Variants in ADGRL3 observed in about 807,000 individuals in gnomAD.
ADGRL3 encodes the protein calcium-independent alpha-latrotoxin receptor 3.
In ADGRL3, 62 loss-of-function variants were observed where a neutral mutation model predicts 153.5. The observed-to-expected ratio is 0.40, with a 90% CI of 0.33 to 0.50. The LOEUF is 0.50. Among genes scored for constraint, ADGRL3 ranks in the 20% least tolerant of loss-of-function variants. The pLI is 0.47. For missense variants in ADGRL3, 1,641 were observed against 1,859.4 expected, an observed-to-expected ratio of 0.88 and a Z score of 2.16; for synonymous variants, 710 against 672.5, an observed-to-expected ratio of 1.06 and a Z score of -0.86.
chr4:62,038,032 A>G (rs1726055975), intron 24 of ADGRL3, among the ~76,000 whole-genome samples, 176 bp downstream of exon 24: 1 of 152,160 alleles, frequency 6.6e-6, no homozygotes, highest in African/African-American at 2.4e-5. Context: ...CTGTAATAAT[A>G]TGATGAAATT....
At chr4:61,772,150 C>T (rs915627714) in intron 8 of ADGRL3, among the ~76,000 whole-genome samples, 3 of 152,292 alleles carry the variant, frequency 2.0e-5, no homozygotes, top group African/African-American at 7.2e-5. Flanking sequence ...TACTTAGAAC[C>T]AAATTTGTGA....
At chr4:61,528,060 C>T (rs925823188) in intron 4 of ADGRL3, among the ~76,000 whole-genome samples, 4 of 152,048 alleles carry the variant, frequency 2.6e-5, no homozygotes, top group Admixed American at 6.6e-5. Flanking sequence ...AAGATAGATG[C>T]TTGGTCCACA....
intron 1 of ADGRL3, among the ~76,000 whole-genome samples, chr4:61,279,459 G>T (rs537560943): frequency 4.6e-5 from 7 of 152,112 alleles, no homozygotes; most frequent in Non-Finnish European, 7.4e-5. Context: ...ATTGTAACGA[G>T]AGATTTCCTT....
At chr4:61,400,334 C>T (rs908209558) in intron 2 of ADGRL3, among the ~76,000 whole-genome samples, 2 of 151,684 alleles carry the variant, frequency 1.3e-5, no homozygotes, top group Non-Finnish European at 3.0e-5. Flanking sequence ...AAAAGTTTTG[C>T]TCCAGTTGAA....
chr4:61,887,279 T>C (rs2098544854), intron 9 of ADGRL3, among the ~76,000 whole-genome samples: 1 of 152,136 alleles, frequency 6.6e-6, no homozygotes, highest in African/African-American at 2.4e-5. Context: ...TTTACTAGAT[T>C]CTTTTTATTT....
At chr4:61,251,056 A>G (rs1259307854) in intron 1 of ADGRL3, among the ~76,000 whole-genome samples, 2 of 152,152 alleles carry the variant, frequency 1.3e-5, no homozygotes, top group African/African-American at 4.8e-5. Flanking sequence ...AACTTCCCAA[A>G]TCTAATGGCA....
chr4:61,433,464 T>C (rs1374304441), intron 2 of ADGRL3, among the ~76,000 whole-genome samples: 2 of 152,154 alleles, frequency 1.3e-5, no homozygotes, highest in Admixed American at 6.6e-5. Flanking sequence ...TAAATATCAA[T>C]AGTATTTTAA....
intron 2 of ADGRL3, among the ~76,000 whole-genome samples, chr4:61,398,516 T>G (rs1027495099): frequency 1.6e-4 from 24 of 151,902 alleles, no homozygotes; most frequent in African/African-American, 5.5e-4. Flanking sequence ...ATTAGCAAGT[T>G]TAATTCATGT....
At position 61,282,913 on chromosome 4, in the gene ADGRL3, T is replaced by C. The variant is rs186718735; in HGVS notation, c.-240+81148T>C. On this transcript the variant is annotated intron_variant, in intron 1 of 26. Transcript: ENST00000683033. ...CTAGTAGTTATTAATATTTTGTTCA[T>C]TGTTACCTGACAGACCCAGAGTTTT... 3.9e-5 allele frequency among the ~76,000 whole-genome samples: 6 copies of C among 152,220 alleles called. No individual in the cohort carries two copies. The East Asian group carries it at 1.2e-3, about 29-fold the overall frequency.
chr4:61,442,654 C>T (rs929959717), intron 2 of ADGRL3, among the ~76,000 whole-genome samples: 1 of 152,072 alleles, frequency 6.6e-6, no homozygotes, highest in African/African-American at 2.4e-5. Flanking sequence ...TTTCCTTGAA[C>T]ATCTGGGTTG....
chr4:61,861,875 G>A (rs577763475), intron 9 of ADGRL3, among the ~76,000 whole-genome samples: 2 of 152,104 alleles, frequency 1.3e-5, no homozygotes, highest in African/African-American at 2.4e-5. Flanking sequence ...ACTGACAAGC[G>A]GAACACCTGC....
In ADGRL3 at chr4:62,057,835, G is replaced by A. The variant is rs1258342348; in HGVS notation, c.3815-10331G>A. 5.9e-5 allele frequency among the ~76,000 whole-genome samples: 9 copies of A among 151,830 alleles called. No individual in the cohort carries two copies. The South Asian group carries it at 1.0e-3, about 18-fold the overall frequency. On this transcript the variant is annotated intron_variant, in intron 25 of 26. Coordinates refer to ENST00000683033, the MANE Select transcript of ADGRL3 (RefSeq NM_001387552.1). ...TGGTACTACAGGCACACTCCGCCACGCCTGGCCAATTTTTTTGTATTTTAG... is the reference window on the plus strand; with the variant it reads ...TGGTACTACAGGCACACTCCGCCACACCTGGCCAATTTTTTTGTATTTTAG...
At chr4:61,888,793 GT>G (rs1293051443) in intron 9 of ADGRL3, among the ~76,000 whole-genome samples, 2 of 152,120 alleles carry the variant, frequency 1.3e-5, no homozygotes, top group African/African-American at 4.8e-5. Context: ...ACAAATTGAA[GT>G]TTTTTAAAAA....
chr4:61,344,969 G>A (rs993518047), intron 1 of ADGRL3, among the ~76,000 whole-genome samples: 1 of 124,792 alleles, frequency 8.0e-6, no homozygotes, highest in Admixed American at 8.1e-5. Flanking sequence ...TTTTTTTTTT[G>A]TATTTTTTAG....
intron 9 of ADGRL3, among the ~76,000 whole-genome samples, chr4:61,830,088 C>T (rs1047338135): frequency 6.6e-6 from 1 of 151,924 alleles, no homozygotes; most frequent in Non-Finnish European, 1.5e-5. Context: ...TGGCTCACTG[C>T]AGACTTGACC....
chr4:61,333,038 C>T (rs577897524), intron 1 of ADGRL3, among the ~76,000 whole-genome samples: 9 of 152,040 alleles, frequency 5.9e-5, no homozygotes, highest in Admixed American at 3.9e-4. Context: ...GTGTGTATGC[C>T]TGTCTTAACT....
intron 9 of ADGRL3, among the ~76,000 whole-genome samples, chr4:61,869,951 AAAAAAAAAAAGAGAGAG>A (rs2098428230): frequency 9.0e-6 from 1 of 111,526 alleles, no homozygotes; most frequent in Non-Finnish European, 2.0e-5. Context: ...AAAAAAAAAA[AAAAAAAAAAAGAGAGAG>A]AGAGAGAAAG....
In ADGRL3 at chr4:61,517,470, A is replaced by C. The variant is rs1477954595; in HGVS notation, c.211A>C (p.Arg71=). 1.3e-6 allele frequency: 1 copy of C among 767,762 alleles called. No homozygotes were observed. Among genetic ancestry groups the C allele is most frequent in the Non-Finnish European group, 2.2e-6 (1 of 444,508 alleles). The allele number at this position is 767,762 out of a possible 1,614,324, so 47.6% of individuals were successfully genotyped here. A position where few individuals can be genotyped will look rare whatever the true frequency, so the allele number is the denominator to read the frequency against. The part of the protein sequence containing the change: ...HRGQGPRGAT[R]GVRGPGAQGA... Reference sequence around the variant, plus strand: ...TGGACAAGGGCCCCGTGGAGCTACCAGAGGAGTTCGCGGTCCAGGTGCCCA... The same window carrying C: ...TGGACAAGGGCCCCGTGGAGCTACCCGAGGAGTTCGCGGTCCAGGTGCCCA... Residue 71 remains arginine (R), a synonymous_variant, in exon 4 of 27, where the codon AGA becomes CGA. Transcript: ENST00000683033.
At chr4:61,782,209 C>T (rs2097221322) in intron 8 of ADGRL3, among the ~76,000 whole-genome samples, 1 of 152,092 alleles carries the variant, frequency 6.6e-6, no homozygotes, top group African/African-American at 2.4e-5. Flanking sequence ...TTAATGTGCA[C>T]AGCTTATTCT....
Sources: allele counts gnomAD v4.1 joint callset (sites outside exome capture counted in the v4.1 genomes callset), GRCh38; gene constraint gnomAD v4.1.1; transcripts MANE v1.5; gene names NCBI Gene and HGNC (gene_info 2026-07-23, HGNC 2026-07-21).